Variants in GALNTL6 observed in about 807,000 individuals in gnomAD.
GALNTL6 encodes polypeptide N-acetylgalactosaminyltransferase like 6, also known as polypeptide N-acetylgalactosaminyltransferase-like 6.
Under a neutral mutation model 73.7 loss-of-function variants are expected in GALNTL6, and 46 were observed. The ratio of observed to expected loss-of-function variants is 0.62; its 90% CI spans 0.49 to 0.80. GALNTL6 has a LOEUF of 0.80. Ranked by LOEUF, GALNTL6 falls within the 30% of genes least tolerant of loss-of-function variation. The pLI is 0.00. For missense variants in GALNTL6, 604 were observed against 755.0 expected, an observed-to-expected ratio of 0.80 and a Z score of 2.34; for synonymous variants, 259 against 263.7, an observed-to-expected ratio of 0.98 and a Z score of 0.17.
chr4:172,073,572 A>G (rs544148436), intron 2 of GALNTL6, among the ~76,000 whole-genome samples: 30 of 152,330 alleles, frequency 2.0e-4, no homozygotes, highest in African/African-American at 7.0e-4. Context: ...AGAGATTACT[A>G]TAAACACCTC....
intron 2 of GALNTL6, among the ~76,000 whole-genome samples, chr4:172,168,493 T>C (rs1430986947): frequency 6.6e-6 from 1 of 152,188 alleles, no homozygotes; most frequent in African/African-American, 2.4e-5. Flanking sequence ...ATGATGATGA[T>C]GGTGCTGGTG....
chr4:172,827,978 G>A (rs1742359118), intron 7 of GALNTL6, among the ~76,000 whole-genome samples: 1 of 151,794 alleles, frequency 6.6e-6, no homozygotes, highest in Admixed American at 6.6e-5. Context: ...TGCTTAGGAG[G>A]AAAATACAGA....
At chr4:172,291,042 C>CA (rs1302423034) in intron 3 of GALNTL6, among the ~76,000 whole-genome samples, 1 of 151,562 alleles carries the variant, frequency 6.6e-6, no homozygotes, top group Non-Finnish European at 1.5e-5. Context: ...AATACCCCCA[C>CA]AAAAAAAGGA....
At chr4:172,480,341 G>A (rs532900265) in intron 5 of GALNTL6, among the ~76,000 whole-genome samples, 1 of 151,904 alleles carries the variant, frequency 6.6e-6, no homozygotes, top group African/African-American at 2.4e-5. Flanking sequence ...GTCATAACTC[G>A]TGGTCTCTTT....
At chr4:173,007,045 C>T (rs1214430074) in intron 10 of GALNTL6, among the ~76,000 whole-genome samples, 3 of 152,196 alleles carry the variant, frequency 2.0e-5, no homozygotes, top group African/African-American at 4.8e-5. Flanking sequence ...TTAGTACCCA[C>T]CACATTGATT....
intron 7 of GALNTL6, among the ~76,000 whole-genome samples, chr4:172,847,600 T>C (rs1743582139): frequency 6.6e-6 from 1 of 152,182 alleles, no homozygotes; most frequent in Non-Finnish European, 1.5e-5. Flanking sequence ...TTGTGATGGA[T>C]GAATTTATTC....
At chr4:172,400,902 A>G (rs1744011950) in intron 5 of GALNTL6, among the ~76,000 whole-genome samples, 1 of 152,164 alleles carries the variant, frequency 6.6e-6, no homozygotes, top group African/African-American at 2.4e-5. Flanking sequence ...TGAGTAATAC[A>G]TGTTGCATAG....
chr4:172,195,488 C>T (rs2110888475), intron 2 of GALNTL6, among the ~76,000 whole-genome samples: 1 of 152,268 alleles, frequency 6.6e-6, no homozygotes, highest in Non-Finnish European at 1.5e-5. Context: ...ATAAATTCTT[C>T]TTGGTACCAC....
intron 2 of GALNTL6, among the ~76,000 whole-genome samples, chr4:171,923,564 ATT>A (rs33929033): frequency 5.8e-5 from 8 of 137,844 alleles, no homozygotes; most frequent in African/African-American, 2.2e-4. Flanking sequence ...CTCCCGGCTA[ATT>A]TTTTTTTTTT....
At chr4:171,850,733 T>TAA (rs1425500872) in intron 2 of GALNTL6, among the ~76,000 whole-genome samples, 2 of 152,174 alleles carry the variant, frequency 1.3e-5, no homozygotes, top group Non-Finnish European at 2.9e-5. Context: ...AAAGAGGGTA[T>TAA]AATGAGGCGT....
At chr4:172,342,912 C>A (rs1013319654) in intron 4 of GALNTL6, among the ~76,000 whole-genome samples, 1 of 152,174 alleles carries the variant, frequency 6.6e-6, no homozygotes, top group African/African-American at 2.4e-5. Context: ...CATCTAATTA[C>A]TAGCTTGATA....
intron 5 of GALNTL6, among the ~76,000 whole-genome samples, chr4:172,467,858 CTTTCTTT>C: frequency 7.3e-6 from 1 of 137,308 alleles, no homozygotes; most frequent in Non-Finnish European, 1.6e-5. Context: ...TTCTTTCTTT[CTTTCTTT>C]CCTTCTTTCC....
chr4:172,160,371 C>T lies in GALNTL6; in HGVS notation c.139-69285C>T, dbSNP rs115470933. On this transcript the variant is annotated intron_variant, in intron 2 of 12. Transcript: ENST00000506823. ...AAAGAAAAAAAAAAATAGCAGAGAGCGATAGCATAGGGCCCAGGAGCATAA... is the reference window on the plus strand; with the variant it reads ...AAAGAAAAAAAAAAATAGCAGAGAGTGATAGCATAGGGCCCAGGAGCATAA... Among the ~76,000 whole-genome samples the T allele has an allele frequency of 3.9e-3, 591 of 151,688 alleles. 3 individuals carry two copies. The highest frequency in any genetic ancestry group is 0.013 in the African/African-American group (550 of 41,348).
intron 3 of GALNTL6, among the ~76,000 whole-genome samples, chr4:172,309,359 G>A (rs1274036415): frequency 6.6e-6 from 1 of 151,818 alleles, no homozygotes; most frequent in Non-Finnish European, 1.5e-5. Flanking sequence ...TGAATAACAT[G>A]TTTGTAAATC....
intron 2 of GALNTL6, among the ~76,000 whole-genome samples, chr4:172,155,049 G>A (rs1342914956): frequency 6.6e-6 from 1 of 151,440 alleles, no homozygotes; most frequent in Non-Finnish European, 1.5e-5. Flanking sequence ...CCAGGCTGGA[G>A]TGCAGTGGCA....
At chr4:172,908,459 T>C (rs1747020935) in intron 8 of GALNTL6, among the ~76,000 whole-genome samples, 1 of 151,990 alleles carries the variant, frequency 6.6e-6, no homozygotes, top group Non-Finnish European at 1.5e-5. Flanking sequence ...AGATAAGAGA[T>C]AAAAATACGA....
At chr4:172,228,038 CAA>C (rs1297607387) in intron 2 of GALNTL6, among the ~76,000 whole-genome samples, 1 of 152,084 alleles carries the variant, frequency 6.6e-6, no homozygotes, top group Non-Finnish European at 1.5e-5. Context: ...ATGGCTGAGA[CAA>C]AACATGGGTT....
intron 2 of GALNTL6, among the ~76,000 whole-genome samples, chr4:171,839,280 A>T (rs4692903): frequency 0.5 from 75,184 of 151,866 alleles, 20,849 homozygotes; most frequent in Admixed American, 0.64. Context: ...GTGAATTTTT[A>T]AATTTGTTCA....
chr4:172,303,080 A>T (rs1360813020), intron 3 of GALNTL6, among the ~76,000 whole-genome samples: 2 of 151,938 alleles, frequency 1.3e-5, no homozygotes, highest in Non-Finnish European at 1.5e-5. Flanking sequence ...GCTCACTACA[A>T]CCTCTGCCGC....
Sources: gnomAD v4.1 joint callset for allele counts (sites outside exome capture counted in the v4.1 genomes callset) on GRCh38, gnomAD v4.1.1 for gene constraint, MANE v1.5 for transcripts, NCBI Gene and HGNC (gene_info 2026-07-23, HGNC 2026-07-21) for gene names.